Variants in SEMA3E observed in about 807,000 individuals in gnomAD.
SEMA3E encodes semaphorin 3E.
SEMA3E carries 49 observed loss-of-function variants against 93.6 expected under a neutral mutation model. That is an observed-to-expected ratio of 0.52 (90% CI 0.42 to 0.66). The LOEUF (loss-of-function observed/expected upper bound fraction) is 0.66. Ranked by LOEUF, SEMA3E falls within the 30% of genes least tolerant of loss-of-function variation. The probability of loss-of-function intolerance (pLI) is 0.00; values close to 1 mark genes in which losing one functional copy is unlikely to be tolerated. For synonymous variants in SEMA3E, 363 were observed against 330.7 expected, an observed-to-expected ratio of 1.10 and a Z score of -1.06; for missense variants, 906 against 964.8, an observed-to-expected ratio of 0.94 and a Z score of 0.81.
At chr7:83,482,521 C>T (rs7458708) in intron 2 of SEMA3E, among the ~76,000 whole-genome samples, 47,362 of 142,098 alleles carry the variant, frequency 0.33, 8,155 homozygotes, top group Middle Eastern at 0.49. Flanking sequence ...GCCGAGATTG[C>T]ACCACTGCAC....
At chr7:83,392,826 C>G in intron 13 of SEMA3E, 105 bp from the exon 14 acceptor site, 1 of 1,118,524 alleles carries the variant, frequency 8.9e-7, no homozygotes, top group Non-Finnish European at 1.3e-6. Context: ...AAAAAATTCA[C>G]TTAAATTTAA....
chr7:83,484,692 T>C (rs2115955756), intron 2 of SEMA3E, among the ~76,000 whole-genome samples: 1 of 152,358 alleles, frequency 6.6e-6, no homozygotes, highest in South Asian at 2.1e-4. Context: ...CACTAAGTTG[T>C]TTTATTTTCT....
At chr7:83,490,953 A>C (rs1308851673) in intron 1 of SEMA3E, among the ~76,000 whole-genome samples, 1 of 152,124 alleles carries the variant, frequency 6.6e-6, no homozygotes, top group Admixed American at 6.6e-5. Context: ...ATTTAATTGC[A>C]TATGGCAGTT....
intron 10 of SEMA3E, among the ~76,000 whole-genome samples, chr7:83,402,364 T>C (rs1277377631): frequency 2.0e-5 from 3 of 151,676 alleles, no homozygotes; most frequent in African/African-American, 4.8e-5. Flanking sequence ...AAAATTTCAA[T>C]TGGTGTTACT....
At chr7:83,491,570 A>C (rs1790384979) in intron 1 of SEMA3E, among the ~76,000 whole-genome samples, 1 of 152,024 alleles carries the variant, frequency 6.6e-6, no homozygotes, top group African/African-American at 2.4e-5. Context: ...TCTTTTGACT[A>C]TTCACCTAAA....
intron 1 of SEMA3E, among the ~76,000 whole-genome samples, chr7:83,592,588 G>C (rs1341186120): frequency 6.6e-6 from 1 of 152,064 alleles, no homozygotes; most frequent in Non-Finnish European, 1.5e-5. Context: ...GAGTATTGAG[G>C]GACAAATTAA....
intron 4 of SEMA3E, among the ~76,000 whole-genome samples, chr7:83,431,082 A>T (rs1233408275): frequency 6.8e-4 from 2 of 2,960 alleles, no homozygotes; most frequent in Non-Finnish European, 6.8e-3. Context: ...TTGCCAAAAA[A>T]AAGAAAAAAA....
intron 1 of SEMA3E, among the ~76,000 whole-genome samples, chr7:83,561,529 T>C (rs1792029708): frequency 6.6e-6 from 1 of 152,112 alleles, no homozygotes; most frequent in South Asian, 2.1e-4. Flanking sequence ...CTTAACACCC[T>C]GCCCTCAAGG....
intron 2 of SEMA3E, among the ~76,000 whole-genome samples, chr7:83,481,140 T>A (rs1012699305): frequency 3.9e-5 from 6 of 152,136 alleles, no homozygotes; most frequent in African/African-American, 1.4e-4. Context: ...CACTTTTTTT[T>A]AAGAGACAAA....
At chr7:83,533,825 G>T (rs1791354407) in intron 1 of SEMA3E, among the ~76,000 whole-genome samples, 1 of 152,088 alleles carries the variant, frequency 6.6e-6, no homozygotes, top group Admixed American at 6.5e-5. Flanking sequence ...TGGCTGGCTG[G>T]CTGGCCCAGG....
intron 2 of SEMA3E, among the ~76,000 whole-genome samples, chr7:83,484,559 G>T (rs1159386965): frequency 6.6e-6 from 1 of 152,078 alleles, no homozygotes; most frequent in Non-Finnish European, 1.5e-5. Flanking sequence ...GTCAAAACTG[G>T]TCATTGAGCC....
chr7:83,615,409 T>C (rs1793344184), intron 1 of SEMA3E, among the ~76,000 whole-genome samples: 2 of 151,868 alleles, frequency 1.3e-5, no homozygotes, highest in Non-Finnish European at 2.9e-5. Flanking sequence ...AATATAATGA[T>C]GATGAAGGGA....
chr7:83,455,536 T>C (rs975209258), intron 4 of SEMA3E, among the ~76,000 whole-genome samples: 1 of 152,224 alleles, frequency 6.6e-6, no homozygotes, highest in African/African-American at 2.4e-5. Context: ...AGAATGCTTA[T>C]GATGTTCAAG....
rs376125038 is a variant in SEMA3E at position 83,365,265 on chromosome 7, C to A, written c.*2321G>T. ...TTTCTCTCTCCCTCCCTCTTCTTTCCCATTTCTCTTCAGTACTGCCATAAA... is the reference window on the plus strand; with the variant it reads ...TTTCTCTCTCCCTCCCTCTTCTTTCACATTTCTCTTCAGTACTGCCATAAA... On this transcript the variant is annotated 3_prime_UTR_variant, in exon 17 of 17. Transcript: ENST00000643230. 5 of 152,040 alleles carry A rather than the reference C, an allele frequency of 3.3e-5. No homozygotes were observed. Among genetic ancestry groups the A allele is most frequent in the African/African-American group, 1.2e-4 (5 of 41,460 alleles). 9.4% of individuals were successfully genotyped at this position (152,040 alleles called of 1,614,324 possible).
intron 1 of SEMA3E, among the ~76,000 whole-genome samples, chr7:83,644,796 T>A (rs1278410519): frequency 6.6e-6 from 1 of 152,026 alleles, no homozygotes; most frequent in Non-Finnish European, 1.5e-5. Context: ...TCTGCATAAG[T>A]ATATATTCCA....
intron 1 of SEMA3E, among the ~76,000 whole-genome samples, chr7:83,617,534 T>G (rs1048743173): frequency 5.5e-5 from 8 of 145,936 alleles, no homozygotes; most frequent in Admixed American, 1.4e-4. Context: ...TATATAAATT[T>G]TATATAAGTA....
At chr7:83,517,504 A>T (rs922113098) in intron 1 of SEMA3E, among the ~76,000 whole-genome samples, 1 of 152,186 alleles carries the variant, frequency 6.6e-6, no homozygotes, top group Non-Finnish European at 1.5e-5. Context: ...ATTAATCACT[A>T]AGTAAAGAAT....
At chr7:83,523,389 G>C (rs1447320358) in intron 1 of SEMA3E, among the ~76,000 whole-genome samples, 1 of 152,028 alleles carries the variant, frequency 6.6e-6, no homozygotes, top group African/African-American at 2.4e-5. Context: ...GGAGAGGGAG[G>C]AAGTCAGAGG....
intron 1 of SEMA3E, among the ~76,000 whole-genome samples, chr7:83,560,447 A>C (rs903621386): frequency 6.6e-6 from 1 of 152,090 alleles, no homozygotes; most frequent in African/African-American, 2.4e-5. Context: ...ACTGCTTTTC[A>C]TGATGAAAAC....
Sources: allele counts gnomAD v4.1 joint callset (sites outside exome capture counted in the v4.1 genomes callset), GRCh38; gene constraint gnomAD v4.1.1; transcripts MANE v1.5; gene names NCBI Gene and HGNC (gene_info 2026-07-23, HGNC 2026-07-21).